Variants in TMEM170A observed in about 807,000 individuals in gnomAD.
TMEM170A encodes the protein transmembrane protein 170A, also known as transmembrane protein 170.
TMEM170A carries 18 observed loss-of-function variants against 12.8 expected under a neutral mutation model. The ratio of observed to expected loss-of-function variants is 1.41; its 90% CI spans 0.97 to 2.09. The LOEUF is 2.09. TMEM170A is among the 30% of genes most tolerant of loss of function. The pLI is 0.00. For synonymous variants in TMEM170A, 107 were observed against 76.2 expected (o/e 1.40, Z -2.11); for missense variants, 220 against 179.9 (o/e 1.22, Z -1.28).
At chr16:75,455,030 G>T (rs901473775) in intron 1 of TMEM170A, among the ~76,000 whole-genome samples, 7 of 152,172 alleles carry the variant, frequency 4.6e-5, no homozygotes, top group Non-Finnish European at 8.8e-5. Flanking sequence ...CACATTCTGT[G>T]CACCCACGTA....
chr16:75,444,449 CCGT>C lies in TMEM170A; in HGVS notation c.*3106_*3108del, dbSNP rs915314047. The C allele has an allele frequency of 1.3e-5, 2 of 152,202 alleles. No individual in the cohort carries two copies. The highest frequency in any genetic ancestry group is 4.8e-5 in the African/African-American group (2 of 41,434). The allele number at this position is 152,202 out of a possible 1,614,324, so 9.4% of individuals were successfully genotyped here. The stretch of plus-strand genomic sequence containing the variant: ...CCAGCCTGGGCGACAGAGCAAGACT[CCGT>C]CTCAAAACAAAAAAACCAAAAAACC... On this transcript the variant is annotated 3_prime_UTR_variant, in exon 3 of 3. Coordinates refer to ENST00000561878, the MANE Select transcript of TMEM170A (RefSeq NM_145254.3).
chr16:75,464,674 T>A lies in TMEM170A; in HGVS notation c.-74A>T, dbSNP rs2079967702. 1 of 1,515,426 alleles carries A rather than the reference T, an allele frequency of 6.6e-7. No homozygotes were observed. The highest frequency in any genetic ancestry group is 1.4e-5 in the African/African-American group (1 of 69,042). The allele number at this position is 1,515,426 out of a possible 1,614,324, so 93.9% of individuals were successfully genotyped here. A position where few individuals can be genotyped will look rare whatever the true frequency, so the allele number is the denominator to read the frequency against. ...GGTAGCGGCCGGCGCCGACTCACCCTCGCCGCCTCAGCGTCACCTCCAGCC... is the reference window on the plus strand; with the variant it reads ...GGTAGCGGCCGGCGCCGACTCACCCACGCCGCCTCAGCGTCACCTCCAGCC... On this transcript the variant is annotated 5_prime_UTR_variant, in exon 1 of 3. Coordinates refer to ENST00000561878, the MANE Select transcript of TMEM170A (RefSeq NM_145254.3).
chr16:75,457,814 C>A (rs898314671), intron 1 of TMEM170A, among the ~76,000 whole-genome samples: 1 of 152,152 alleles, frequency 6.6e-6, no homozygotes, highest in Non-Finnish European at 1.5e-5. Context: ...CACCGCACCC[C>A]CTACAACCCT....
chr16:75,449,248 A>G (rs1211951574), intron 2 of TMEM170A, among the ~76,000 whole-genome samples: 2 of 152,080 alleles, frequency 1.3e-5, no homozygotes, highest in Non-Finnish European at 2.9e-5. Flanking sequence ...TTCTCAAGGT[A>G]CTTGGAATCT....
chr16:75,453,097 G>A (rs1406973189), intron 1 of TMEM170A, among the ~76,000 whole-genome samples: 2 of 151,320 alleles, frequency 1.3e-5, no homozygotes, highest in African/African-American at 4.9e-5. Context: ...CCCTCAAACT[G>A]AAAAAAAAGG....
chr16:75,455,913 G>A lies in TMEM170A; in HGVS notation c.134-4074C>T, dbSNP rs151332292. ...TCCGCTTGAGGGGATTAGAAAGGGG[G>A]AGGAGAGGAGGACCAGAAGCTTTAC... On this transcript the variant is annotated intron_variant, in intron 1 of 2. Transcript: ENST00000561878. Among the ~76,000 whole-genome samples the A allele has an allele frequency of 6.5e-3, 983 of 152,342 alleles. 8 individuals carry two copies. The highest frequency in any genetic ancestry group is 0.017 in the Middle Eastern group (5 of 294).
At chr16:75,464,198 G>C (rs535605571) in intron 1 of TMEM170A, 6 of 1,503,002 alleles carry the variant, frequency 4.0e-6, no homozygotes, top group Non-Finnish European at 5.3e-6. Context: ...ACCCGCTCGG[G>C]TGGCGGCCGA....
chr16:75,449,464 G>A (rs1186394164), intron 2 of TMEM170A, among the ~76,000 whole-genome samples: 1 of 151,778 alleles, frequency 6.6e-6, no homozygotes, highest in Non-Finnish European at 1.5e-5. Flanking sequence ...ACAGGCACAC[G>A]CCACCACACC....
In TMEM170A at chr16:75,464,573, C is replaced by T; in HGVS notation, c.28G>A (p.Gly10Ser). 1 of 1,586,714 alleles carries T rather than the reference C, an allele frequency of 6.3e-7. No individual in the cohort carries two copies. The highest frequency in any genetic ancestry group is 2.4e-5 in the East Asian group (1 of 41,252). Residue 10 changes from glycine to serine, a missense_variant, in exon 1 of 3, where the codon GGC becomes AGC. Transcript: ENST00000561878. MEREGSGGS[G>S]GSAGLLQQIL... ...TGCTGCAGGAGCCCGGCCGACCCGC[C>T]GCTGCCGCCGCTCCCCTCGCGCTCC...
chr16:75,456,643 A>G (rs1004248269), intron 1 of TMEM170A, among the ~76,000 whole-genome samples: 3 of 152,162 alleles, frequency 2.0e-5, no homozygotes, highest in African/African-American at 7.2e-5. Flanking sequence ...GCCAGGAGCT[A>G]TTCCTGCCTT....
At chr16:75,464,426 G>T (rs780142168) in intron 1 of TMEM170A, 42 bp downstream of exon 1, 2 of 1,399,622 alleles carry the variant, frequency 1.4e-6, no homozygotes, top group Non-Finnish European at 9.3e-7. Flanking sequence ...CGGCAGCGGC[G>T]ACGGCGGGGC....
At position 75,446,567 on chromosome 16, in the gene TMEM170A, CCACTAGGTAAA is replaced by C. The variant is rs1242616085; in HGVS notation, c.*980_*990del. The stretch of plus-strand genomic sequence containing the variant: ...ACTGTAAAAGTGGGCTGAAGAGTTA[CCACTAGGTAAA>C]CACATTAAGCTAAAAAATCAATAAC... On this transcript the variant is annotated 3_prime_UTR_variant, in exon 3 of 3. Coordinates refer to ENST00000561878, the MANE Select transcript of TMEM170A (RefSeq NM_145254.3). The C allele has an allele frequency of 6.6e-6, 1 of 152,088 alleles. No individual in the cohort carries two copies. Among genetic ancestry groups the C allele is most frequent in the Non-Finnish European group, 1.5e-5 (1 of 68,026 alleles). 9.4% of individuals were successfully genotyped at this position (152,088 alleles called of 1,614,324 possible). A position where few individuals can be genotyped will look rare whatever the true frequency, so the allele number is the denominator to read the frequency against.
At chr16:75,461,159 T>C (rs1318680642) in intron 1 of TMEM170A, among the ~76,000 whole-genome samples, 2 of 151,826 alleles carry the variant, frequency 1.3e-5, no homozygotes, top group African/African-American at 2.4e-5. Flanking sequence ...GTTCAAGCGA[T>C]TCTCCTGCCT....
At chr16:75,450,180 C>CAA (rs34044750) in intron 2 of TMEM170A, among the ~76,000 whole-genome samples, 27 of 116,236 alleles carry the variant, frequency 2.3e-4, no homozygotes, top group East Asian at 7.8e-4. Context: ...CACTTTCTCT[C>CAA]AAAAAAAAAA....
rs999703294 is a variant in TMEM170A at position 75,445,402 on chromosome 16, C to CAGG, written c.*2153_*2155dup. 1.4e-4 allele frequency: 21 copies of CAGG among 152,340 alleles called. No homozygotes were observed. The highest frequency in any genetic ancestry group is 5.1e-4 in the African/African-American group (21 of 41,574). The allele number at this position is 152,340 out of a possible 1,614,324, so 9.4% of individuals were successfully genotyped here. On this transcript the variant is annotated 3_prime_UTR_variant, in exon 3 of 3. Transcript: ENST00000561878. Reference sequence around the variant, plus strand: ...TCGGCTCACAGCAGCCTGAACCTCCCAGGCACAAGTGATCCTCCCACTTTA... The same window carrying CAGG: ...TCGGCTCACAGCAGCCTGAACCTCCCAGGAGGCACAAGTGATCCTCCCACTTTA...
rs1187660200 is a variant in TMEM170A at position 75,451,935 on chromosome 16, A to G, written c.134-96T>C. 3 of 1,134,494 alleles carry G rather than the reference A, an allele frequency of 2.6e-6. No homozygotes were observed. In the East Asian group the frequency reaches 8.1e-5, roughly 31 times the overall value. The allele number at this position is 1,134,494 out of a possible 1,614,324, so 70.3% of individuals were successfully genotyped here. A position where few individuals can be genotyped will look rare whatever the true frequency, so the allele number is the denominator to read the frequency against. ...TCATACCCGTCATTTCATTTTCAAC[A>G]CCGTTTCTTTTTTCCTTTTTTTTGA... On this transcript the variant is annotated intron_variant, in intron 1 of 2. Coordinates refer to ENST00000561878, the MANE Select transcript of TMEM170A (RefSeq NM_145254.3).
rs878908404 is a variant in TMEM170A, at chr16:75,447,341, A to G, written c.*217T>C. 22 of 396,040 alleles carry G rather than the reference A, an allele frequency of 5.6e-5. No homozygotes were observed. The highest frequency in any genetic ancestry group is 4.1e-4 in the African/African-American group (20 of 48,344). 24.5% of individuals were successfully genotyped at this position (396,040 alleles called of 1,614,324 possible). ...TCAAATATCTACAAAAAAGAAAGCCAAAAGACTTGTTTTGGTTGAGAACAA... is the reference window on the plus strand; with the variant it reads ...TCAAATATCTACAAAAAAGAAAGCCGAAAGACTTGTTTTGGTTGAGAACAA... On this transcript the variant is annotated 3_prime_UTR_variant, in exon 3 of 3. Transcript: ENST00000561878.
chr16:75,456,332 T>TAAA (rs1475278005), intron 1 of TMEM170A, among the ~76,000 whole-genome samples: 1 of 152,136 alleles, frequency 6.6e-6, no homozygotes, highest in Non-Finnish European at 1.5e-5. Flanking sequence ...GTCACATCTG[T>TAAA]AATACCAGCA....
At chr16:75,448,102 T>C (rs1297806837) in intron 2 of TMEM170A, among the ~76,000 whole-genome samples, 1 of 152,224 alleles carries the variant, frequency 6.6e-6, no homozygotes, top group Non-Finnish European at 1.5e-5. Flanking sequence ...AAAGGATCTT[T>C]TGAGTTAGAC....
Sources: gnomAD v4.1 joint callset for allele counts (sites outside exome capture counted in the v4.1 genomes callset) on GRCh38, gnomAD v4.1.1 for gene constraint, MANE v1.5 for transcripts, NCBI Gene and HGNC (gene_info 2026-07-23, HGNC 2026-07-21) for gene names.